The following BRAF variants were observed in gnomAD, a reference collection of about 807,000 sequenced individuals.
BRAF encodes the protein serine/threonine-protein kinase B-raf.
Under a neutral mutation model 104.6 loss-of-function variants are expected in BRAF, and 16 were observed. That is an observed-to-expected ratio of 0.15 (90% CI 0.10 to 0.23). The LOEUF (loss-of-function observed/expected upper bound fraction) is 0.23. Among genes scored for constraint, BRAF ranks in the 10% least tolerant of loss-of-function variants. The pLI is 1.00. For missense variants in BRAF, 541 were observed against 937.3 expected (o/e 0.58, Z 5.52); for synonymous variants, 310 against 341.6 (o/e 0.91, Z 1.02).
chr7:140,800,921 C>T (rs1268484310), intron 6 of BRAF: 1 of 242,052 alleles, frequency 4.1e-6, no homozygotes, highest in Non-Finnish European at 8.1e-6. Context: ...AACTGGCATA[C>T]AGCAAAGAGA....
At chr7:140,853,604 G>T (rs933600970) in intron 1 of BRAF, among the ~76,000 whole-genome samples, 3 of 152,116 alleles carry the variant, frequency 2.0e-5, no homozygotes, top group Non-Finnish European at 4.4e-5. Flanking sequence ...TGCCTGGAAT[G>T]CTCTTCCCCT....
chr7:140,882,520 G>A (rs1813048197), intron 1 of BRAF, among the ~76,000 whole-genome samples: 1 of 151,914 alleles, frequency 6.6e-6, no homozygotes, highest in Non-Finnish European at 1.5e-5. Flanking sequence ...TGGGACTACA[G>A]GCGCACGCCA....
At chr7:140,784,657 T>G (rs1004641824) in intron 10 of BRAF, among the ~76,000 whole-genome samples, 4 of 152,160 alleles carry the variant, frequency 2.6e-5, no homozygotes, top group Non-Finnish European at 5.9e-5. Context: ...TTACTTTTTT[T>G]TTTTTGAGAT....
chr7:140,782,873 A>C (rs1422162085), intron 11 of BRAF, 148 bp downstream of exon 10: 3 of 1,041,302 alleles, frequency 2.9e-6, no homozygotes, highest in Non-Finnish European at 4.1e-6. Flanking sequence ...ATATGCTTTA[A>C]GCAAAAAACT....
chr7:140,801,276 C>A, intron 6 of BRAF, 136 bp downstream of exon 6: 1 of 939,572 alleles, frequency 1.1e-6, no homozygotes, highest in Non-Finnish European at 1.6e-6. Flanking sequence ...TATTCTCTAA[C>A]TACACTTAAA....
At chr7:140,791,167 A>T (rs1348539419) in intron 8 of BRAF, among the ~76,000 whole-genome samples, 1 of 152,068 alleles carries the variant, frequency 6.6e-6, no homozygotes, top group African/African-American at 2.4e-5. Flanking sequence ...ACCCTGAATC[A>T]AGCTATCCTC....
At chr7:140,757,379 T>TCC (rs1251243308) in intron 14 of BRAF, among the ~76,000 whole-genome samples, 1 of 152,068 alleles carries the variant, frequency 6.6e-6, no homozygotes, top group Non-Finnish European at 1.5e-5. Context: ...AACCTCCACC[T>TCC]CCTAGGTTCA....
intron 14 of BRAF, among the ~76,000 whole-genome samples, chr7:140,764,060 C>G (rs1799059918): frequency 6.6e-6 from 1 of 152,170 alleles, no homozygotes; most frequent in Non-Finnish European, 1.5e-5. Context: ...AAAGTACTGG[C>G]AAACCGAATC....
intron 19 of BRAF, among the ~76,000 whole-genome samples, chr7:140,729,379 T>C (rs1450937728): frequency 6.6e-6 from 1 of 152,188 alleles, no homozygotes; most frequent in Admixed American, 6.5e-5. Flanking sequence ...GCGAGGTGGC[T>C]CATGCCTGTA....
intron 3 of BRAF, among the ~76,000 whole-genome samples, chr7:140,819,847 A>C (rs528545748): frequency 1.3e-5 from 2 of 152,322 alleles, no homozygotes; most frequent in South Asian, 4.1e-4. Context: ...AGTGACTGCT[A>C]ACGGGTACAG....
chr7:140,894,770 GCTCATCTATTAAAAAAATAAAAAAAGAAA>G, intron 1 of BRAF, among the ~76,000 whole-genome samples: 1 of 151,872 alleles, frequency 6.6e-6, no homozygotes, highest in East Asian at 1.9e-4. Flanking sequence ...AATGAGATAA[GCTCATCTATTAAAAAAATAAAAAAAGAAA>G]CTCAGCTCAC....
chr7:140,880,700 T>C (rs1268219538), intron 1 of BRAF, among the ~76,000 whole-genome samples: 1 of 152,000 alleles, frequency 6.6e-6, no homozygotes, highest in Non-Finnish European at 1.5e-5. Flanking sequence ...GGCTGCAGAA[T>C]GAATGCTGCG....
At chr7:140,841,327 T>C (rs1055684561) in intron 2 of BRAF, among the ~76,000 whole-genome samples, 1 of 152,216 alleles carries the variant, frequency 6.6e-6, no homozygotes, top group East Asian at 1.9e-4. Flanking sequence ...AAAAACTGTC[T>C]GGCAGTTAGT....
chr7:140,741,031 C>G (rs1462684776), intron 17 of BRAF: 2 of 152,138 alleles, frequency 1.3e-5, no homozygotes, highest in African/African-American at 4.8e-5. Context: ...CAACAAGTGA[C>G]AAGCAACAGC....
At chr7:140,828,726 T>C (rs1387431784) in intron 3 of BRAF, among the ~76,000 whole-genome samples, 4 of 152,208 alleles carry the variant, frequency 2.6e-5, no homozygotes, top group African/African-American at 9.7e-5. Flanking sequence ...ACAAATATCC[T>C]TGTATAAATA....
chr7:140,785,870 A>T (rs1311978573), intron 9 of BRAF: 31 of 398,294 alleles, frequency 7.8e-5, no homozygotes, highest in Non-Finnish European at 1.2e-4. Context: ...GAAGAAATGA[A>T]AGAAGTCATG....
At chr7:140,737,976 T>C (rs1796577685) in intron 18 of BRAF, among the ~76,000 whole-genome samples, 1 of 152,184 alleles carries the variant, frequency 6.6e-6, no homozygotes, top group South Asian at 2.1e-4. Flanking sequence ...AGGATGTACT[T>C]TGCATTATTA....
chr7:140,808,121 T>C (rs999305110), intron 4 of BRAF, 59 bp from the exon 5 acceptor site: 20 of 1,321,874 alleles, frequency 1.5e-5, no homozygotes, highest in Admixed American at 6.8e-5. Context: ...TTCATATACC[T>C]CATGCTGAAG....
intron 1 of BRAF, among the ~76,000 whole-genome samples, chr7:140,922,076 T>C (rs1818284178): frequency 6.6e-6 from 1 of 152,174 alleles, no homozygotes; most frequent in South Asian, 2.1e-4. Flanking sequence ...TTAATCAATG[T>C]CACCCTCCCA....
Sources: allele counts gnomAD v4.1 joint callset (sites outside exome capture counted in the v4.1 genomes callset), GRCh38; gene constraint gnomAD v4.1.1; transcripts MANE v1.5; gene names NCBI Gene and HGNC (gene_info 2026-07-23, HGNC 2026-07-21).